Variants in STK31 observed in about 807,000 individuals in gnomAD.
STK31 encodes the protein serine/threonine-protein kinase 31.
In STK31, 89 loss-of-function variants were observed where a neutral mutation model predicts 129.7. The ratio of observed to expected loss-of-function variants is 0.69; its 90% CI spans 0.58 to 0.82. The LOEUF (loss-of-function observed/expected upper bound fraction) is 0.82, where lower values mean the gene tolerates loss of function less well. Ranked by LOEUF, STK31 falls within the 40% of genes least tolerant of loss-of-function variation. STK31 has a pLI of 0.00. For missense variants in STK31, 1,187 were observed against 1,176.4 expected, an observed-to-expected ratio of 1.01 and a Z score of -0.13; for synonymous variants, 448 against 395.3, an observed-to-expected ratio of 1.13 and a Z score of -1.58.
intron 22 of STK31, among the ~76,000 whole-genome samples, chr7:23,796,991 C>G (rs1792004657): frequency 6.6e-6 from 1 of 151,330 alleles, no homozygotes; most frequent in African/African-American, 2.4e-5. Flanking sequence ...AGAATTTTAA[C>G]CAACAAAGAT....
chr7:23,710,651 C>T (rs950934), intron 1 of STK31: 78,122 of 1,190,354 alleles, frequency 0.066, 3,192 homozygotes, highest in African/African-American at 0.17. Flanking sequence ...AAATAAGTGT[C>T]AGAGAGCTAC....
intron 8 of STK31, among the ~76,000 whole-genome samples, chr7:23,749,960 G>A (rs1009907046): frequency 8.0e-5 from 12 of 150,670 alleles, no homozygotes; most frequent in African/African-American, 2.7e-4. Flanking sequence ...GGTCAGTTAG[G>A]CTTTGATGAA....
intron 22 of STK31, among the ~76,000 whole-genome samples, chr7:23,798,145 A>G (rs1279737416): frequency 6.6e-6 from 1 of 152,212 alleles, no homozygotes; most frequent in African/African-American, 2.4e-5. Flanking sequence ...GACCAGACAG[A>G]TACACAGTCG....
intron 23 of STK31, among the ~76,000 whole-genome samples, chr7:23,829,767 T>C (rs1794429792): frequency 6.6e-6 from 1 of 152,192 alleles, no homozygotes; most frequent in Non-Finnish European, 1.5e-5. Context: ...CCTGGACTTT[T>C]CTATGTTGGG....
intron 23 of STK31, among the ~76,000 whole-genome samples, chr7:23,817,187 CAAA>C (rs955726624): frequency 2.7e-5 from 4 of 147,426 alleles, no homozygotes; most frequent in African/African-American, 1.0e-4. Flanking sequence ...GACTTTGTCT[CAAA>C]AAAAAAAAAA....
At chr7:23,812,397 T>TTTTTTCATTCCTTTCC (rs1793192082) in intron 22 of STK31, among the ~76,000 whole-genome samples, 1 of 150,770 alleles carries the variant, frequency 6.6e-6, no homozygotes, top group Admixed American at 6.6e-5. Context: ...CCCAAACATC[T>TTTTTTCATTCCTTTCC]TTTTTCATTC....
chr7:23,726,795 T>C (rs1253383182), intron 4 of STK31, among the ~76,000 whole-genome samples: 2 of 152,174 alleles, frequency 1.3e-5, no homozygotes, highest in African/African-American at 4.8e-5. Flanking sequence ...GTATGAAATC[T>C]TTCTTGCTTG....
chr7:23,770,400 A>G (rs1208208653), intron 13 of STK31, among the ~76,000 whole-genome samples: 1 of 152,072 alleles, frequency 6.6e-6, no homozygotes, highest in Non-Finnish European at 1.5e-5. Flanking sequence ...AAGAAGTTTT[A>G]TATTGTTAAA....
chr7:23,772,354 C>A, intron 15 of STK31, 76 bp downstream of exon 15: 1 of 1,408,956 alleles, frequency 7.1e-7, no homozygotes, highest in Non-Finnish European at 9.7e-7. Flanking sequence ...AAAAATAATG[C>A]ATAAATACAC....
At chr7:23,724,213 A>AC (rs1298155474) in intron 4 of STK31, among the ~76,000 whole-genome samples, 1 of 152,202 alleles carries the variant, frequency 6.6e-6, no homozygotes, top group African/African-American at 2.4e-5. Context: ...CTCTTTGAAA[A>AC]AAATCCTGGG....
At chr7:23,771,259 G>T in intron 14 of STK31, 135 bp downstream of exon 14, 1 of 806,588 alleles carries the variant, frequency 1.2e-6, no homozygotes, top group Non-Finnish European at 1.8e-6. Flanking sequence ...ACTGGAAATG[G>T]TGATTTTTGA....
At position 23,832,149 on chromosome 7, in the gene STK31, A is replaced by G. The variant is rs376560007; in HGVS notation, c.2843A>G (p.Lys948Arg). Reference sequence around the variant, plus strand: ...TTTTCCTTGCAGGATGATAAAGTCAAATCCCTCCTCTGTAGCTTGATATGT... The same window carrying G: ...TTTTCCTTGCAGGATGATAAAGTCAGATCCCTCCTCTGTAGCTTGATATGT... Reference protein sequence around the residue: ...VDQFHLDDKVKSLLCSLICYR... With the variant: ...VDQFHLDDKVRSLLCSLICYR... Residue 948 changes from lysine (K) to arginine (R), a missense_variant, in exon 24 of 24, where the codon AAA becomes AGA. Transcript: ENST00000355870. 2.3e-5 allele frequency: 37 copies of G among 1,613,100 alleles called. No individual in the cohort carries two copies. The highest frequency in any genetic ancestry group is 3.3e-5 in the Admixed American group (2 of 59,934).
Position 23,716,797 on chromosome 7 carries a change from C to CTTT in STK31, c.151-668_151-666dup, listed in dbSNP as rs34047442. On this transcript the variant is annotated intron_variant, in intron 3 of 23. Coordinates refer to ENST00000355870, the MANE Select transcript of STK31 (RefSeq NM_031414.5). ...ACGTCTCCTATTCTTTTTTTGAGCA[C>CTTT]TTTTTTTTTTTTTTTTTTCAAGACA... is the stretch of plus-strand genomic sequence containing the variant. Among the ~76,000 whole-genome samples the CTTT allele has an allele frequency of 7.1e-3, 870 of 123,342 alleles. 10 individuals carry two copies. The highest frequency in any genetic ancestry group is 0.025 in the South Asian group (94 of 3,750). The allele number at this position is 123,342 out of a possible 152,430, so 80.9% of individuals were successfully genotyped here.
chr7:23,817,326 A>T (rs1793533703), intron 23 of STK31, among the ~76,000 whole-genome samples: 1 of 152,232 alleles, frequency 6.6e-6, no homozygotes, highest in South Asian at 2.1e-4. Flanking sequence ...CTACTCATGG[A>T]TTCAAGGATT....
At chr7:23,789,163 A>C (rs930060477) in intron 21 of STK31, among the ~76,000 whole-genome samples, 5 of 152,086 alleles carry the variant, frequency 3.3e-5, no homozygotes. Context: ...ATTATATTTC[A>C]TTGTATGGAT....
chr7:23,767,107 C>T (rs1026456121), intron 11 of STK31, among the ~76,000 whole-genome samples: 1 of 151,998 alleles, frequency 6.6e-6, no homozygotes, highest in African/African-American at 2.4e-5. Flanking sequence ...TTTGTGTTTC[C>T]AATATTCTTT....
intron 15 of STK31, among the ~76,000 whole-genome samples, chr7:23,773,154 C>T (rs1382669873): frequency 1.3e-5 from 2 of 152,108 alleles, no homozygotes; most frequent in African/African-American, 2.4e-5. Flanking sequence ...ATCAACCCGT[C>T]ACCTACATTA....
chr7:23,820,544 T>C (rs753942696), intron 23 of STK31, among the ~76,000 whole-genome samples: 7 of 152,238 alleles, frequency 4.6e-5, no homozygotes, highest in Admixed American at 2.6e-4. Flanking sequence ...AAGTCCTCTC[T>C]TCTGGCTATT....
chr7:23,722,075 C>T (rs1786740896), intron 4 of STK31: 1 of 158,554 alleles, frequency 6.3e-6, no homozygotes, highest in Non-Finnish European at 1.4e-5. Context: ...GCCTTCTTCT[C>T]TCAACTCATC....
Sources: gnomAD v4.1 joint callset for allele counts (sites outside exome capture counted in the v4.1 genomes callset) on GRCh38, gnomAD v4.1.1 for gene constraint, MANE v1.5 for transcripts, NCBI Gene and HGNC (gene_info 2026-07-23, HGNC 2026-07-21) for gene names.